Variants in ZNF697 observed in about 807,000 individuals in gnomAD.
ZNF697 encodes the protein zinc finger protein 697.
In ZNF697, 23 loss-of-function variants were observed where a neutral mutation model predicts 32.4. That is an observed-to-expected ratio of 0.71 (90% confidence interval 0.51 to 1.01). The LOEUF is 1.01. ZNF697 is among the 50% of genes least tolerant of loss of function. The pLI is 0.00. For synonymous variants in ZNF697, 418 were observed against 337.2 expected (o/e 1.24, Z -2.62); for missense variants, 930 against 794.0 (o/e 1.17, Z -2.06).
At position 119,624,122 on chromosome 1, in the gene ZNF697, A is replaced by G; in HGVS notation, c.227-6T>C. On this transcript the variant is annotated splice_region_variant and splice_polypyrimidine_tract_variant and intron_variant, in intron 2 of 2. Transcript: ENST00000421812. ...TTCCTCACTCAGCTGCCCCTCTGCA[A>G]CAGAAAAAGGTGGCAGTGGGGGATT... The G allele has an allele frequency of 5.2e-6, 8 of 1,550,728 alleles. No homozygotes were observed. Among genetic ancestry groups the G allele is most frequent in the Non-Finnish European group, 6.1e-6 (7 of 1,146,194 alleles).
rs587751344 is a variant in ZNF697 at position 119,628,808 on chromosome 1, G to A, written c.-37-2671C>T. 9.8e-5 allele frequency among the ~76,000 whole-genome samples: 15 copies of A among 152,294 alleles called. No homozygotes were observed. The Middle Eastern group carries it at 0.014, about 138-fold the overall frequency. On this transcript the variant is annotated intron_variant, in intron 1 of 2. Coordinates refer to ENST00000421812, the MANE Select transcript of ZNF697 (RefSeq NM_001080470.2). Reference sequence around the variant, plus strand: ...TTTAGAAGTTAGGAAAGATGATCACGATGTAATTATATGAAAAGCAGCTGG... The same window carrying A: ...TTTAGAAGTTAGGAAAGATGATCACAATGTAATTATATGAAAAGCAGCTGG...
rs753726128 is a variant in ZNF697 at position 119,622,861 on chromosome 1, C to T, written c.1482G>A (p.Thr494=). ...TAAAGCTCTTGCCGCACTCGATGCA[C>T]GTGTAGGGCTTCTCGCCCGTGTGCG... The part of the protein sequence containing the change: ...QRTHTGEKPY[T]CIECGKSFIQ... The change falls in exon 3 of 3, where the codon ACG becomes ACA. Residue 494 remains threonine, a synonymous_variant. Transcript: ENST00000421812. The T allele has an allele frequency of 1.9e-6, 3 of 1,609,726 alleles. No individual in the cohort carries two copies. The African/African-American group carries it at 4.0e-5, about 22-fold the overall frequency.
chr1:119,638,373 T>G (rs1488971630), intron 1 of ZNF697, among the ~76,000 whole-genome samples: 2 of 152,366 alleles, frequency 1.3e-5, no homozygotes, highest in East Asian at 3.9e-4. Context: ...ACATCAATTA[T>G]CAGCTATGTA....
intron 1 of ZNF697, among the ~76,000 whole-genome samples, chr1:119,646,052 C>T (rs1370066995): frequency 6.6e-6 from 1 of 152,066 alleles, no homozygotes. Context: ...GATGCAACTC[C>T]ATGAGCCTTA....
chr1:119,624,208 C>A (rs1464857872), intron 2 of ZNF697, 92 bp from the exon 3 acceptor site: 2 of 1,412,360 alleles, frequency 1.4e-6, no homozygotes, highest in Admixed American at 2.8e-5. Flanking sequence ...ACTGTGATCC[C>A]CTCCCTCAGG....
In ZNF697 at chr1:119,620,175, T is replaced by C. The variant is rs1320160852; in HGVS notation, c.*2530A>G. 6.6e-6 allele frequency: 1 copy of C among 152,606 alleles called. No homozygotes were observed. Among genetic ancestry groups the C allele is most frequent in the Admixed American group, 6.5e-5 (1 of 15,282 alleles). The allele number at this position is 152,606 out of a possible 1,614,324, so 9.5% of individuals were successfully genotyped here. A position where few individuals can be genotyped will look rare whatever the true frequency, so the allele number is the denominator to read the frequency against. ...TAAGAATGTGCTCATAGAAGGGATA[T>C]CAACGTAGCAGCTGACTTTTTTATC... On this transcript the variant is annotated 3_prime_UTR_variant, in exon 3 of 3. Coordinates refer to ENST00000421812, the MANE Select transcript of ZNF697 (RefSeq NM_001080470.2).
Position 119,623,488 on chromosome 1 carries a change from G to C in ZNF697, c.855C>G (p.Gly285=). The C allele has an allele frequency of 6.4e-7, 1 of 1,569,204 alleles. No homozygotes were observed. The highest frequency in any genetic ancestry group is 8.6e-7 in the Non-Finnish European group (1 of 1,159,124). ...AGTCGGCGCACAGGTTGGGCCGCTC[G>C]CCCGTGTGCAGGCGCAGGTGGTTGG... ...YLTNHLRLHT[G]ERPNLCADCG... is the part of the protein sequence containing the mutation. The change falls in exon 3 of 3, where the codon GGC becomes GGG. Residue 285 remains glycine (G), a synonymous_variant. Coordinates refer to ENST00000421812, the MANE Select transcript of ZNF697 (RefSeq NM_001080470.2).
At chr1:119,645,775 A>G (rs1201337959) in intron 1 of ZNF697, among the ~76,000 whole-genome samples, 1 of 151,186 alleles carries the variant, frequency 6.6e-6, no homozygotes, top group Non-Finnish European at 1.5e-5. Context: ...GGGGCAGGTG[A>G]AAGAAAAGAA....
At chr1:119,644,034 T>G (rs1273376302) in intron 1 of ZNF697, among the ~76,000 whole-genome samples, 1 of 152,252 alleles carries the variant, frequency 6.6e-6, no homozygotes, top group African/African-American at 2.4e-5. Context: ...TTTCTGAAAG[T>G]CTACCATATG....
rs763107587 is a variant in ZNF697 at position 119,647,931 on chromosome 1, C to T, written c.-278G>A. 1.5e-4 allele frequency among the ~76,000 whole-genome samples: 23 copies of T among 152,228 alleles called. No individual in the cohort carries two copies. Among genetic ancestry groups the T allele is most frequent in the Non-Finnish European group, 2.6e-4 (18 of 68,032 alleles). ...GCGCCCCAGGGGAGCGGACAACGGT[C>T]CACTTTACGAGGCACAACTTCGCCC... On this transcript the variant is annotated 5_prime_UTR_variant, in exon 1 of 3. The change creates a premature stop within an existing upstream ORF in the 5' untranslated region. Coordinates refer to ENST00000421812, the MANE Select transcript of ZNF697 (RefSeq NM_001080470.2).
Position 119,625,968 on chromosome 1 carries a change from CAT to C in ZNF697, c.131_132del (p.His44ArgfsTer37). ...GGATGGCCTTCTCTCTTGTTTGTGT[CAT>C]GTGGATTAGAGCCCATTTCTCTTTC... Reference protein sequence around the residue: ...PEEREMGSNPHDTNKREGHPE... With the variant: ...PEEREMGSNPXDTNKREGHPE... On this transcript the variant is annotated frameshift_variant, in exon 2 of 3. Transcript: ENST00000421812. LOFTEE classifies it high-confidence loss of function. 1 of 1,614,050 alleles carries C rather than the reference CAT, an allele frequency of 6.2e-7. No homozygotes were observed. The highest frequency in any genetic ancestry group is 8.5e-7 in the Non-Finnish European group (1 of 1,179,908).
rs1648312623 is a variant in ZNF697 at position 119,621,563 on chromosome 1, C to A, written c.*1142G>T. ...CCTTGAGATTTCTACTGTGCCTCCA[C>A]GCGCAGGCAAAAGACATTCTTACTT... On this transcript the variant is annotated 3_prime_UTR_variant, in exon 3 of 3. Coordinates refer to ENST00000421812, the MANE Select transcript of ZNF697 (RefSeq NM_001080470.2). 6.6e-6 allele frequency: 1 copy of A among 152,622 alleles called. No individual in the cohort carries two copies. The highest frequency in any genetic ancestry group is 6.5e-5 in the Admixed American group (1 of 15,280). 9.5% of individuals were successfully genotyped at this position (152,622 alleles called of 1,614,324 possible). A position where few individuals can be genotyped will look rare whatever the true frequency, so the allele number is the denominator to read the frequency against.
In ZNF697 at chr1:119,622,897, C is replaced by T. The variant is rs1648391761; in HGVS notation, c.1446G>A (p.Gln482=). The T allele has an allele frequency of 3.1e-6, 5 of 1,608,360 alleles. No homozygotes were observed. In the African/African-American group the frequency reaches 5.4e-5, roughly 17 times the overall value. ...KRFSDFSTLT[Q]HQRTHTGEKP... ...TCTCGCCCGTGTGCGTGCGCTGGTG[C>T]TGCGTGAGCGTGGAGAAGTCGCTGA... The change falls in exon 3 of 3, where the codon CAG becomes CAA. Residue 482 remains glutamine (Q), a synonymous_variant. Transcript: ENST00000421812.
chr1:119,639,400 A>G (rs1340453234), intron 1 of ZNF697, among the ~76,000 whole-genome samples: 1 of 152,186 alleles, frequency 6.6e-6, no homozygotes, highest in East Asian at 1.9e-4. Context: ...ACTCCAAGTC[A>G]TTAACAATGT....
At chr1:119,630,804 G>A (rs1174085558) in intron 1 of ZNF697, among the ~76,000 whole-genome samples, 1 of 152,078 alleles carries the variant, frequency 6.6e-6, no homozygotes, top group Non-Finnish European at 1.5e-5. Flanking sequence ...CCAGGCTGCA[G>A]TGAGCCAAGA....
rs182758820 is a variant in ZNF697 at position 119,639,477 on chromosome 1, A to G, written c.-38+8214T>C. Among the ~76,000 whole-genome samples, 7 of 152,200 alleles carry G rather than the reference A, an allele frequency of 4.6e-5. No homozygotes were observed. In the East Asian group the frequency reaches 1.2e-3, roughly 25 times the overall value. On this transcript the variant is annotated intron_variant, in intron 1 of 2. Coordinates refer to ENST00000421812, the MANE Select transcript of ZNF697 (RefSeq NM_001080470.2). ...ACCCCAGCCCAAAAGGGTTGCTTTA[A>G]ATTCCCCAGAAGGCACCCTGTTTTC...
In ZNF697 at chr1:119,623,303, G is replaced by A. The variant is rs962588221; in HGVS notation, c.1040C>T (p.Ala347Val). The change falls in exon 3 of 3, where the codon GCG becomes GTG. Residue 347 changes from alanine (A) to valine (V), a missense_variant. Physicochemically the swap from Ala to Val is moderately conservative, Grantham distance 64. Coordinates refer to ENST00000421812, the MANE Select transcript of ZNF697 (RefSeq NM_001080470.2). ...GCAGGCGAAGGGCCGCAGCGCCGCC[G>A]CCCCCGCGCCGCTGGCCGCCGCGTG... Reference protein sequence around the residue: ...RAHAAASGAGAAALRPFACGE... With the variant: ...RAHAAASGAGVAALRPFACGE... The A allele has an allele frequency of 5.4e-6, 7 of 1,302,114 alleles. No homozygotes were observed. Among genetic ancestry groups the A allele is most frequent in the South Asian group, 2.1e-5 (1 of 46,926 alleles). The allele number at this position is 1,302,114 out of a possible 1,614,324, so 80.7% of individuals were successfully genotyped here.
rs1213954240 is a variant in ZNF697 at position 119,622,144 on chromosome 1, C to G, written c.*561G>C. ...TTGGATGCCTCAAAATAGCAGCTAA[C>G]TGTGGCTCAGAGAAAGGAAAAGTAC... On this transcript the variant is annotated 3_prime_UTR_variant, in exon 3 of 3. Transcript: ENST00000421812. The G allele has an allele frequency of 6.6e-6, 1 of 152,658 alleles. No individual in the cohort carries two copies. Among genetic ancestry groups the G allele is most frequent in the African/African-American group, 2.4e-5 (1 of 41,420 alleles). The allele number at this position is 152,658 out of a possible 1,614,324, so 9.5% of individuals were successfully genotyped here.
intron 1 of ZNF697, among the ~76,000 whole-genome samples, chr1:119,627,758 T>C (rs759731728): frequency 3.9e-5 from 6 of 152,120 alleles, no homozygotes; most frequent in Non-Finnish European, 7.4e-5. Context: ...TGAAATGCGG[T>C]TGAATTCCTT....
Sources: gnomAD v4.1 joint callset for allele counts (sites outside exome capture counted in the v4.1 genomes callset) on GRCh38, gnomAD v4.1.1 for gene constraint, MANE v1.5 for transcripts, NCBI Gene and HGNC (gene_info 2026-07-23, HGNC 2026-07-21) for gene names.